PID1: variants seen among roughly 807,000 people sequenced by gnomAD.
PID1 encodes the protein phosphotyrosine interaction domain containing 1, also known as PTB-containing, cubilin and LRP1-interacting protein.
PID1 carries 10 observed loss-of-function variants against 19.1 expected under a neutral mutation model. The ratio of observed to expected loss-of-function variants is 0.52; its 90% CI spans 0.32 to 0.89. PID1 has a LOEUF of 0.89. PID1 is among the 40% of genes least tolerant of loss of function. The pLI, the probability that PID1 is intolerant of heterozygous loss-of-function variation, is 0.03. For missense variants in PID1, 248 were observed against 285.3 expected (o/e 0.87, Z 0.94); for synonymous variants, 130 against 116.0 (o/e 1.12, Z -0.78).
chr2:229,029,278 A>G (rs1317016691), intron 2 of PID1, among the ~76,000 whole-genome samples: 1 of 151,972 alleles, frequency 6.6e-6, no homozygotes, highest in East Asian at 1.9e-4. Flanking sequence ...CTGGGGAAAA[A>G]AAAAATGGGC....
chr2:229,237,603 C>G (rs116593376), intron 1 of PID1, among the ~76,000 whole-genome samples: 309 of 152,200 alleles, frequency 2.0e-3, no homozygotes, highest in African/African-American at 7.1e-3. Flanking sequence ...GGAAAGGGAC[C>G]TAGGTAGAGA....
At chr2:229,266,619 T>C (rs902420729) in intron 1 of PID1, among the ~76,000 whole-genome samples, 3 of 152,214 alleles carry the variant, frequency 2.0e-5, no homozygotes, top group African/African-American at 7.2e-5. Flanking sequence ...GGTGAAGTGC[T>C]TAAGAAGTAA....
At chr2:229,241,085 AT>A (rs1689854315) in intron 1 of PID1, among the ~76,000 whole-genome samples, 1 of 151,946 alleles carries the variant, frequency 6.6e-6, no homozygotes, top group African/African-American at 2.4e-5. Flanking sequence ...CTCATTTGAG[AT>A]TTTCCATTTG....
chr2:229,146,583 A>T (rs1690139771), intron 2 of PID1, among the ~76,000 whole-genome samples: 1 of 151,934 alleles, frequency 6.6e-6, no homozygotes, highest in African/African-American at 2.4e-5. Flanking sequence ...ACAATTCCCC[A>T]ATTATAAGAG....
At chr2:229,032,121 A>G (rs560729260) in intron 2 of PID1, among the ~76,000 whole-genome samples, 1 of 152,294 alleles carries the variant, frequency 6.6e-6, no homozygotes, top group Admixed American at 6.5e-5. Flanking sequence ...TATTTGGGCC[A>G]TGGAGTTCCC....
chr2:229,091,949 G>T (rs1694885118), intron 2 of PID1, among the ~76,000 whole-genome samples: 1 of 152,086 alleles, frequency 6.6e-6, no homozygotes, highest in African/African-American at 2.4e-5. Flanking sequence ...AGCTACTCCT[G>T]GTACAAATAC....
intron 2 of PID1, among the ~76,000 whole-genome samples, chr2:229,095,794 A>C (rs979452493): frequency 6.6e-6 from 1 of 152,208 alleles, no homozygotes; most frequent in African/African-American, 2.4e-5. Flanking sequence ...GGATATGAGC[A>C]GTCATAAAAA....
At chr2:229,181,508 T>C (rs1305901567) in intron 1 of PID1, among the ~76,000 whole-genome samples, 2 of 152,338 alleles carry the variant, frequency 1.3e-5, no homozygotes, top group South Asian at 2.1e-4. Flanking sequence ...CAAATATCTT[T>C]TGAAATCAGA....
intron 1 of PID1, among the ~76,000 whole-genome samples, chr2:229,212,996 A>T (rs1175604048): frequency 6.6e-6 from 1 of 152,108 alleles, no homozygotes. Context: ...AAAATTAATG[A>T]TGCTAGAGGA....
intron 1 of PID1, among the ~76,000 whole-genome samples, chr2:229,233,489 GA>G (rs1238829939): frequency 1.2e-4 from 5 of 40,988 alleles, no homozygotes; most frequent in Admixed American, 8.1e-4. Context: ...CAGTGTGCTA[GA>G]TTTTTTTTTT....
intron 2 of PID1, among the ~76,000 whole-genome samples, chr2:229,032,825 C>G (rs1693584136): frequency 6.6e-6 from 1 of 152,180 alleles, no homozygotes; most frequent in Non-Finnish European, 1.5e-5. Context: ...TGTAAATGGA[C>G]CTGCCCAACC....
At chr2:229,177,422 G>T (rs766545402) in intron 1 of PID1, among the ~76,000 whole-genome samples, 5 of 152,174 alleles carry the variant, frequency 3.3e-5, no homozygotes, top group Non-Finnish European at 7.3e-5. Context: ...TAATTGTTAC[G>T]TGAATTATTC....
intron 2 of PID1, among the ~76,000 whole-genome samples, chr2:229,119,586 C>T (rs909431303): frequency 6.6e-6 from 1 of 152,146 alleles, no homozygotes; most frequent in Non-Finnish European, 1.5e-5. Context: ...TTACAGGCTA[C>T]TTGGGAACAA....
chr2:229,244,503 G>A (rs752340568), intron 1 of PID1, among the ~76,000 whole-genome samples: 5 of 152,064 alleles, frequency 3.3e-5, no homozygotes, highest in Non-Finnish European at 7.4e-5. Flanking sequence ...ATTTTAAAAA[G>A]AGAGAAAGCA....
At chr2:229,262,784 GGTT>G (rs1455235622) in intron 1 of PID1, 1 of 1,551,398 alleles carries the variant, frequency 6.4e-7, no homozygotes, top group Non-Finnish European at 8.7e-7. Context: ...AACATCAGGT[GGTT>G]GCCAGCAATC....
intron 2 of PID1, among the ~76,000 whole-genome samples, chr2:229,115,066 T>G (rs1004355284): frequency 1.1e-4 from 17 of 152,184 alleles, no homozygotes; most frequent in African/African-American, 3.9e-4. Context: ...AATGTAGAAT[T>G]CAATTTCCTA....
intron 2 of PID1, among the ~76,000 whole-genome samples, chr2:229,121,961 T>C (rs139700436): frequency 1.5e-3 from 224 of 152,256 alleles, no homozygotes; most frequent in African/African-American, 4.8e-3. Flanking sequence ...CCTGTGGCTT[T>C]TGACAGGGTG....
At chr2:229,047,298 C>A (rs889472606) in intron 2 of PID1, among the ~76,000 whole-genome samples, 5 of 152,168 alleles carry the variant, frequency 3.3e-5, no homozygotes, top group Non-Finnish European at 7.3e-5. Flanking sequence ...ATCTGGCCCC[C>A]ACCCTGCTAG....
chr2:229,062,891 T>C (rs1694240891), intron 2 of PID1, among the ~76,000 whole-genome samples: 1 of 152,030 alleles, frequency 6.6e-6, no homozygotes, highest in African/African-American at 2.4e-5. Flanking sequence ...TTCTTCTAGG[T>C]TATCCAATTT....
Sources: gnomAD v4.1 joint callset for allele counts (sites outside exome capture counted in the v4.1 genomes callset) on GRCh38, gnomAD v4.1.1 for gene constraint, MANE v1.5 for transcripts, NCBI Gene and HGNC (gene_info 2026-07-23, HGNC 2026-07-21) for gene names.